C4orf50: variants seen among roughly 807,000 people sequenced by gnomAD.
C4orf50 encodes the protein uncharacterized protein C4orf50.
A neutral mutation model predicts 77.2 loss-of-function variants in C4orf50; 80 were observed. That is an observed-to-expected ratio of 1.04 (90% CI 0.87 to 1.25). The LOEUF is 1.25. Among genes scored for constraint, C4orf50 ranks in the 50% most tolerant of loss-of-function variants. The probability of loss-of-function intolerance (pLI) is 0.00; values close to 1 mark genes in which losing one functional copy is unlikely to be tolerated. For missense variants in C4orf50, 1,257 were observed against 1,152.9 expected (o/e 1.09, Z -1.31); for synonymous variants, 532 against 465.3 (o/e 1.14, Z -1.84).
chr4:5,984,210 T>G (rs1204424787), intron 28 of C4orf50, among the ~76,000 whole-genome samples: 1 of 152,216 alleles, frequency 6.6e-6, no homozygotes, highest in East Asian at 1.9e-4. Flanking sequence ...AGAATAAAAT[T>G]CACTCAACAT....
chr4:5,954,616 T>G (rs1461017572), downstream of C4orf50, among the ~76,000 whole-genome samples: 1 of 152,044 alleles, frequency 6.6e-6, no homozygotes, highest in Non-Finnish European at 1.5e-5. This position sits in a 1 kb window ranked among gnomAD's most constrained non-coding sequence, Gnocchi z 4.7. Flanking sequence ...AGGGGAGGGC[T>G]CTGGAGTGTG....
intron 26 of C4orf50, among the ~76,000 whole-genome samples, chr4:5,994,039 T>C (rs1462485481): frequency 6.6e-6 from 1 of 152,120 alleles, no homozygotes; most frequent in African/African-American, 2.4e-5. Context: ...AGCATGTCCC[T>C]GCTGCCAACC....
Position 5,946,867 on chromosome 4 carries a change from C to T in C4orf50, c.*2474+10034G>A, listed in dbSNP as rs150038926. Among the ~76,000 whole-genome samples, 332 of 152,318 alleles carry T rather than the reference C, an allele frequency of 2.2e-3. 2 individuals carry two copies. The highest frequency in any genetic ancestry group is 7.5e-3 in the African/African-American group (310 of 41,568). The stretch of plus-strand genomic sequence containing the variant: ...CCCTTTCTGCAGAAAGTAAAGATTG[C>T]CTTGCTGAGAGAATTAAATTTATGT... On this transcript the variant is annotated intron_variant, in intron 7 of 7. Coordinates refer to the C4orf50 transcript ENST00000324058.
chr4:5,959,665 C>T lies in C4orf50; in HGVS notation c.4276-39G>A, dbSNP rs1553915961. 5 of 1,578,662 alleles carry T rather than the reference C, an allele frequency of 3.2e-6. No homozygotes were observed. The South Asian group carries it at 5.8e-5, about 18-fold the overall frequency. On this transcript the variant is annotated intron_variant, in intron 33 of 33. Transcript: ENST00000531445. ...GACAATGAAATGGTCTCTGCGTCCA[C>T]ATGTTTGTAAAAGCCCCTCCATTCA...
At chr4:5,975,495 TTTTTG>T (rs61144018) in intron 30 of C4orf50, among the ~76,000 whole-genome samples, 102,541 of 149,622 alleles carry the variant, frequency 0.69, 35,752 homozygotes, top group East Asian at 0.92. Context: ...CTTTGCGGTT[TTTTTG>T]TTTTGTTTTG....
At chr4:5,965,222 T>A in intron 32 of C4orf50, 77 bp from the exon 11 acceptor site, 1 of 1,438,926 alleles carries the variant, frequency 6.9e-7, no homozygotes, top group Non-Finnish European at 9.5e-7. Context: ...AGCCTTGTCA[T>A]AACCTTCTTC....
intron 25 of C4orf50, among the ~76,000 whole-genome samples, chr4:6,004,312 G>A (rs1560599025): frequency 8.2e-5 from 4 of 48,726 alleles, no homozygotes; most frequent in African/African-American, 3.0e-4. Flanking sequence ...TGGTGGTGAT[G>A]ATGTGATCGT....
intron 31 of C4orf50, 82 bp downstream of exon 9, chr4:5,973,577 T>G: frequency 8.4e-7 from 1 of 1,188,158 alleles, no homozygotes; most frequent in Non-Finnish European, 1.2e-6. Flanking sequence ...AAGGAGGGGC[T>G]GCTCCAGTCA....
At chr4:6,004,228 GA>G (rs1722080884) in intron 25 of C4orf50, among the ~76,000 whole-genome samples, 1 of 42,642 alleles carries the variant, frequency 2.3e-5, no homozygotes, top group African/African-American at 9.0e-5. Context: ...GTGATGATGT[GA>G]TGGTGATGAT....
rs4689319 is a variant in C4orf50, at chr4:6,017,319, C to T, written c.287+826G>A. Among the ~76,000 whole-genome samples, 117,479 of 152,210 alleles carry T rather than the reference C, an allele frequency of 0.77. 45,656 individuals are homozygous for T. The highest frequency in any genetic ancestry group is 0.99 in the East Asian group (5,130 of 5,166). ...ATGTTACCAGGGCAGGGCAGAGCAG[C>T]CAGGCCACCCAGCGGGAGCTGGGAC... On this transcript the variant is annotated intron_variant, in intron 23 of 33. Coordinates refer to ENST00000531445, the Ensembl canonical transcript of C4orf50. The surrounding 1 kb of genome is among the most constrained non-coding windows in gnomAD (Gnocchi z 4.7).
chr4:5,973,688 C>A (rs1197113200), exon 31 of C4orf50: 1 of 1,613,580 alleles, frequency 6.2e-7, no homozygotes, highest in Non-Finnish European at 8.5e-7. Context: ...AGGAAGGTGG[C>A]CGTGTACTCA....
intron 25 of C4orf50, among the ~76,000 whole-genome samples, chr4:5,995,500 C>T (rs926380651): frequency 5.3e-5 from 8 of 151,634 alleles, no homozygotes; most frequent in Non-Finnish European, 7.4e-5. Flanking sequence ...CACACACACA[C>T]ACACACACAC....
intron 7 of C4orf50, chr4:5,904,640 T>A (rs1040255039): frequency 6.6e-6 from 1 of 152,180 alleles, no homozygotes; most frequent in African/African-American, 2.4e-5. Context: ...ACAGAGTCCT[T>A]TCTGCCGAGA....
Position 6,003,881 on chromosome 4 carries a change from G to GGTGATGATGGTGATGA in C4orf50, c.963+4114_963+4115insTCATCACCATCATCAC, listed in dbSNP as rs1721995103. On this transcript the variant is annotated intron_variant, in intron 25 of 33. Transcript: ENST00000531445. ...GATGGTGATGGTGATGATGGTGATG[G>GGTGATGATGGTGATGA]TGATTATGGTGATGATGTGATGGTG... Among the ~76,000 whole-genome samples the GGTGATGATGGTGATGA allele has an allele frequency of 6.5e-4, 26 of 39,832 alleles. 1 individual carries two copies. The highest frequency in any genetic ancestry group is 3.1e-3 in the African/African-American group (26 of 8,466). 26.1% of individuals were successfully genotyped at this position (39,832 alleles called of 152,430 possible).
chr4:5,987,431 A>AAAAAAAAAAAAAAAAC, intron 28 of C4orf50, among the ~76,000 whole-genome samples: 1 of 149,798 alleles, frequency 6.7e-6, no homozygotes, highest in Non-Finnish European at 1.5e-5. Flanking sequence ...AAAAAAAAAA[A>AAAAAAAAAAAAAAAAC]AAAAGAATAC....
chr4:5,919,737 G>C lies in C4orf50; in HGVS notation c.*2475-21549C>G, dbSNP rs569623649. ...ACTGGGCCCTGGAGGGACCACACCA[G>C]CTGAAACCGCTGCCATGGCAGACAA... On this transcript the variant is annotated intron_variant, in intron 7 of 7. Coordinates refer to the C4orf50 transcript ENST00000324058. This position sits in a 1 kb window ranked among gnomAD's most constrained non-coding sequence, Gnocchi z 6.5. Among the ~76,000 whole-genome samples the C allele has an allele frequency of 6.6e-5, 10 of 152,270 alleles. 2 individuals carry two copies. Among genetic ancestry groups the C allele is most frequent in the African/African-American group, 2.4e-4 (10 of 41,548 alleles).
In C4orf50 at chr4:5,967,479, C is replaced by G; in HGVS notation, c.4105-17G>C. 2 of 1,613,162 alleles carry G rather than the reference C, an allele frequency of 1.2e-6. No homozygotes were observed. Among genetic ancestry groups the G allele is most frequent in the Non-Finnish European group, 8.5e-7 (1 of 1,179,170 alleles). On this transcript the variant is annotated splice_polypyrimidine_tract_variant and intron_variant, in intron 31 of 33. Transcript: ENST00000531445. Reference sequence around the variant, plus strand: ...GTGGCTTGTCTGCAAGAAAAGACATCTTGGCGGTTATTCTGCATGGCACTG... The same window carrying G: ...GTGGCTTGTCTGCAAGAAAAGACATGTTGGCGGTTATTCTGCATGGCACTG...
At chr4:5,915,602 A>G (rs1415799606) in intron 7 of C4orf50, among the ~76,000 whole-genome samples, 1 of 152,238 alleles carries the variant, frequency 6.6e-6, no homozygotes, top group Non-Finnish European at 1.5e-5. Flanking sequence ...AGTGACCACC[A>G]GGAAGAAAGG....
chr4:5,952,808 C>T (rs894757751), downstream of C4orf50, among the ~76,000 whole-genome samples: 5 of 152,170 alleles, frequency 3.3e-5, no homozygotes, highest in African/African-American at 9.6e-5. This position sits in a 1 kb window ranked among gnomAD's most constrained non-coding sequence, Gnocchi z 4.4. Flanking sequence ...CATGGACACG[C>T]ACAGTTCCCG....
Sources: gnomAD v4.1 joint callset for allele counts (sites outside exome capture counted in the v4.1 genomes callset) on GRCh38, gnomAD v4.1.1 for gene constraint, Gnocchi (gnomAD v3.1) non-coding constraint, MANE v1.5 for transcripts, NCBI Gene and HGNC (gene_info 2026-07-23, HGNC 2026-07-21) for gene names.